The following TMTC4 variants were observed in gnomAD, a reference collection of about 807,000 sequenced individuals.
TMTC4 encodes transmembrane O-mannosyltransferase targeting cadherins 4.
TMTC4 carries 65 observed loss-of-function variants against 86.0 expected under a neutral mutation model. The observed-to-expected ratio is 0.76, with a 90% CI of 0.62 to 0.93. The LOEUF (loss-of-function observed/expected upper bound fraction) is 0.93, where lower values mean the gene tolerates loss of function less well. TMTC4 is among the 40% of genes least tolerant of loss of function. TMTC4 has a pLI of 0.00. For missense variants in TMTC4, 866 were observed against 948.1 expected (o/e 0.91, Z 1.14); for synonymous variants, 379 against 382.5 (o/e 0.99, Z 0.11).
upstream of TMTC4, chr13:100,675,051 C>T (rs1002335495): frequency 1.6e-5 from 16 of 985,594 alleles, no homozygotes; most frequent in Middle Eastern, 5.2e-4. Flanking sequence ...GCGAAGGAGG[C>T]GCAGGGACAG....
At chr13:100,631,428 T>C (rs1327432416) in intron 12 of TMTC4, among the ~76,000 whole-genome samples, 3 of 152,248 alleles carry the variant, frequency 2.0e-5, no homozygotes, top group Non-Finnish European at 2.9e-5. Flanking sequence ...GAATTTATTA[T>C]AGAATTGTAT....
chr13:100,636,530 A>G lies in TMTC4; in HGVS notation c.1202+2T>C. On this transcript the variant is annotated splice_donor_variant, in intron 10 of 18. Coordinates refer to ENST00000342624, the MANE Select transcript of TMTC4 (RefSeq NM_032813.5). LOFTEE classifies it high-confidence loss of function. ...AACTTAAGATTCAGTGCTGCCTCTT[A>G]CCTTCTCTTGTGGCCGTCTTCAGAG... 6.2e-7 allele frequency: 1 copy of G among 1,614,160 alleles called. No individual in the cohort carries two copies. Among genetic ancestry groups the G allele is most frequent in the Non-Finnish European group, 8.5e-7 (1 of 1,180,036 alleles).
At chr13:100,670,185 C>T in intron 2 of TMTC4, 175 bp downstream of exon 2, 1 of 596,752 alleles carries the variant, frequency 1.7e-6, no homozygotes, top group Non-Finnish European at 2.8e-6. Flanking sequence ...GAATTCCAGC[C>T]CCCTGATTGG....
intron 12 of TMTC4, among the ~76,000 whole-genome samples, chr13:100,627,291 G>A (rs1433406836): frequency 2.0e-5 from 3 of 152,226 alleles, no homozygotes; most frequent in African/African-American, 4.8e-5. Flanking sequence ...AGAGCCACGA[G>A]GCCGGCGCGG....
chr13:100,623,640 G>GTTTTTTTTTTTTT lies in TMTC4; in HGVS notation c.1836+1894_1836+1895insAAAAAAAAAAAAA, dbSNP rs71200708. On this transcript the variant is annotated intron_variant, in intron 15 of 18. Coordinates refer to ENST00000342624, the MANE Select transcript of TMTC4 (RefSeq NM_032813.5). Reference sequence around the variant, plus strand: ...GTCAGTTTTGGAAACTACTAGTTGGGTTTTGTTTTTTTTTTTTTTTTTTTT... The same window carrying GTTTTTTTTTTTTT: ...GTCAGTTTTGGAAACTACTAGTTGGGTTTTTTTTTTTTTTTTTGTTTTTTTTTTTTTTTTTTTT... 1.1e-4 allele frequency among the ~76,000 whole-genome samples: 11 copies of GTTTTTTTTTTTTT among 96,166 alleles called. 4 individuals are homozygous for GTTTTTTTTTTTTT. The highest frequency in any genetic ancestry group is 1.6e-4 in the Non-Finnish European group (8 of 49,188). 63.1% of individuals were successfully genotyped at this position (96,166 alleles called of 152,430 possible).
At chr13:100,674,166 CCCCGGGCG>C in intron 1 of TMTC4, 2 of 975,614 alleles carry the variant, frequency 2.0e-6, no homozygotes, top group Non-Finnish European at 2.4e-6. Context: ...GGCTCGGTGG[CCCCGGGCG>C]CCCGGGCCGG....
intron 17 of TMTC4, among the ~76,000 whole-genome samples, chr13:100,609,570 A>G (rs1877215889): frequency 1.3e-5 from 2 of 152,142 alleles, no homozygotes; most frequent in Admixed American, 6.5e-5. Flanking sequence ...GCTTTACCAC[A>G]TTAGCTTGAA....
chr13:100,644,053 T>C (rs1883381628), intron 6 of TMTC4, among the ~76,000 whole-genome samples: 1 of 151,462 alleles, frequency 6.6e-6, no homozygotes, highest in Non-Finnish European at 1.5e-5. Context: ...GGCCTTCCTG[T>C]CCTGAAAACA....
At chr13:100,674,236 C>A in intron 1 of TMTC4, 2 of 980,750 alleles carry the variant, frequency 2.0e-6, no homozygotes, top group East Asian at 1.2e-4. Flanking sequence ...GAGTAGCAGG[C>A]GCTCGCGGCG....
chr13:100,623,315 C>T (rs1879833870), intron 15 of TMTC4, among the ~76,000 whole-genome samples: 1 of 152,222 alleles, frequency 6.6e-6, no homozygotes, highest in African/African-American at 2.4e-5. Context: ...TCACTGCAAC[C>T]TCTGCTTCCC....
intron 12 of TMTC4, among the ~76,000 whole-genome samples, chr13:100,632,051 ACACTCTCTCTCTCT>A (rs1282376529): frequency 6.0e-3 from 171 of 28,592 alleles, no homozygotes; most frequent in East Asian, 0.045. Flanking sequence ...ACACACACAC[ACACTCTCTCTCTCT>A]CTCTCTCTCT....
rs74114800 is a variant in TMTC4, at chr13:100,612,655, A to G, written c.1952-145T>C. Reference sequence around the variant, plus strand: ...AGAAAATCTGTGTAGATCATGTAATACACACACACACACACACACACACAC... The same window carrying G: ...AGAAAATCTGTGTAGATCATGTAATGCACACACACACACACACACACACAC... On this transcript the variant is annotated intron_variant, in intron 16 of 18. Coordinates refer to ENST00000342624, the MANE Select transcript of TMTC4 (RefSeq NM_032813.5). 4.1e-3 allele frequency: 147 copies of G among 36,250 alleles called. 2 individuals are homozygous for G. The highest frequency in any genetic ancestry group is 0.01 in the Admixed American group (18 of 1,732). The allele number at this position is 36,250 out of a possible 1,614,324, so 2.2% of individuals were successfully genotyped here.
intron 15 of TMTC4, chr13:100,623,888 G>A (rs1215878712): frequency 2.0e-6 from 1 of 497,874 alleles, no homozygotes; most frequent in Non-Finnish European, 4.0e-6. Flanking sequence ...CTATTCTCTT[G>A]TTGGTGATGG....
At chr13:100,612,737 GAC>G (rs1056425455) in intron 16 of TMTC4, among the ~76,000 whole-genome samples, 1 of 150,910 alleles carries the variant, frequency 6.6e-6, no homozygotes, top group African/African-American at 2.4e-5. Flanking sequence ...GCACATTTCT[GAC>G]ACAACACATA....
intron 17 of TMTC4, among the ~76,000 whole-genome samples, chr13:100,606,667 C>G (rs1361388390): frequency 2.0e-5 from 3 of 152,180 alleles, no homozygotes; most frequent in African/African-American, 7.2e-5. Context: ...GTGCCACCAC[C>G]TGCCTCCCTG....
At chr13:100,618,874 C>T (rs1182826670) in intron 15 of TMTC4, among the ~76,000 whole-genome samples, 1 of 152,182 alleles carries the variant, frequency 6.6e-6, no homozygotes, top group Non-Finnish European at 1.5e-5. Flanking sequence ...AATGAAAAGT[C>T]TCCCATGTCT....
intron 12 of TMTC4, among the ~76,000 whole-genome samples, chr13:100,632,170 T>C (rs1881543559): frequency 6.6e-6 from 1 of 151,772 alleles, no homozygotes; most frequent in African/African-American, 2.4e-5. Flanking sequence ...ATGAAATCAC[T>C]TCCCGGGCAG....
rs564680301 is a variant in TMTC4 at position 100,606,297 on chromosome 13, T to C, written c.2134+61A>G. On this transcript the variant is annotated intron_variant, in intron 18 of 18. Transcript: ENST00000342624. ...TCTCCCAACATTAATTTTATAGACA[T>C]GCACCCACTTCATTAAAGTAACAAA... 8.4e-4 allele frequency: 1,157 copies of C among 1,384,308 alleles called. 6 individuals are homozygous for C. The highest frequency in any genetic ancestry group is 6.4e-4 in the Non-Finnish European group (623 of 976,624). 85.8% of individuals were successfully genotyped at this position (1,384,308 alleles called of 1,614,324 possible).
chr13:100,634,374 C>T (rs1317680380), intron 12 of TMTC4, among the ~76,000 whole-genome samples: 1 of 152,156 alleles, frequency 6.6e-6, no homozygotes, highest in Non-Finnish European at 1.5e-5. Context: ...GTAGGCATTA[C>T]TACCCCTTTA....
Sources: gnomAD v4.1 joint callset for allele counts (sites outside exome capture counted in the v4.1 genomes callset) on GRCh38, gnomAD v4.1.1 for gene constraint, MANE v1.5 for transcripts, NCBI Gene and HGNC (gene_info 2026-07-23, HGNC 2026-07-21) for gene names.